Variants in PLXDC2 observed in about 807,000 individuals in gnomAD.
The protein encoded by PLXDC2 is plexin domain-containing protein 2.
A neutral mutation model predicts 68.9 loss-of-function variants in PLXDC2; 40 were observed. The observed-to-expected ratio is 0.58, with a 90% CI of 0.45 to 0.76. The LOEUF (loss-of-function observed/expected upper bound fraction) is 0.76, where lower values mean the gene tolerates loss of function less well. Among genes scored for constraint, PLXDC2 ranks in the 30% least tolerant of loss-of-function variants. The pLI, the probability that PLXDC2 is intolerant of heterozygous loss-of-function variation, is 0.00. For synonymous variants in PLXDC2, 243 were observed against 234.2 expected (o/e 1.04, Z -0.34); for missense variants, 644 against 661.9 (o/e 0.97, Z 0.30).
At chr10:20,203,928 C>A (rs1431904761) in intron 9 of PLXDC2, among the ~76,000 whole-genome samples, 3 of 152,102 alleles carry the variant, frequency 2.0e-5, no homozygotes, top group Non-Finnish European at 2.9e-5. Context: ...GCATCAAGAT[C>A]TTTTATCAGA....
chr10:20,162,387 TACC>T (rs1834311814), intron 6 of PLXDC2, among the ~76,000 whole-genome samples: 1 of 152,056 alleles, frequency 6.6e-6, no homozygotes, highest in Admixed American at 6.6e-5. Flanking sequence ...AGCAATAAAT[TACC>T]ACAGAATCAT....
At chr10:20,195,663 T>C (rs1834827471) in intron 9 of PLXDC2, among the ~76,000 whole-genome samples, 1 of 152,164 alleles carries the variant, frequency 6.6e-6, no homozygotes, top group Non-Finnish European at 1.5e-5. Context: ...TGGAGTTTAT[T>C]TGTAGTAAAC....
At chr10:19,836,898 A>T (rs907522597) in intron 1 of PLXDC2, among the ~76,000 whole-genome samples, 17 of 152,216 alleles carry the variant, frequency 1.1e-4, no homozygotes, top group African/African-American at 3.9e-4. Context: ...GGTGATTAAA[A>T]TAGTCCCTTG....
At chr10:20,191,601 CAG>C (rs1457649717) in intron 9 of PLXDC2, among the ~76,000 whole-genome samples, 1 of 150,212 alleles carries the variant, frequency 6.7e-6, no homozygotes, top group Non-Finnish European at 1.5e-5. Context: ...TTTTAAATCA[CAG>C]GGGCCCTGGT....
chr10:19,834,349 GA>G, intron 1 of PLXDC2, among the ~76,000 whole-genome samples: 1 of 149,980 alleles, frequency 6.7e-6, no homozygotes, highest in Admixed American at 6.6e-5. Context: ...GAGAGAGAGA[GA>G]GAGAGTGTGT....
intron 4 of PLXDC2, among the ~76,000 whole-genome samples, chr10:20,091,429 C>T (rs992138116): frequency 2.0e-5 from 3 of 152,184 alleles, no homozygotes; most frequent in Non-Finnish European, 4.4e-5. Flanking sequence ...TTTCGGTCTT[C>T]ACCTTCCCCT....
At chr10:20,019,724 T>A (rs76824171) in intron 2 of PLXDC2, among the ~76,000 whole-genome samples, 18 of 152,266 alleles carry the variant, frequency 1.2e-4, no homozygotes, top group Non-Finnish European at 2.4e-4. Context: ...AGAACCTGAT[T>A]ATGTTGGCAC....
intron 1 of PLXDC2, among the ~76,000 whole-genome samples, chr10:19,997,241 T>C (rs1834858950): frequency 6.6e-6 from 1 of 152,244 alleles, no homozygotes; most frequent in Non-Finnish European, 1.5e-5. Context: ...TACCTAAAGA[T>C]ATAACTATTT....
intron 4 of PLXDC2, among the ~76,000 whole-genome samples, chr10:20,137,181 A>G (rs1037044182): frequency 6.6e-6 from 1 of 152,210 alleles, no homozygotes; most frequent in Non-Finnish European, 1.5e-5. Context: ...TTAACTTGTA[A>G]ATACTTCATA....
intron 1 of PLXDC2, among the ~76,000 whole-genome samples, chr10:19,818,205 A>G (rs1454759457): frequency 2.7e-5 from 4 of 149,002 alleles, no homozygotes; most frequent in Admixed American, 6.7e-5. Flanking sequence ...AGGATAATCA[A>G]TTTGTCAATT....
At chr10:20,262,481 A>G (rs1031400184) in intron 13 of PLXDC2, among the ~76,000 whole-genome samples, 2 of 152,024 alleles carry the variant, frequency 1.3e-5, no homozygotes, top group African/African-American at 4.8e-5. Flanking sequence ...TCCTGTATAT[A>G]CCTCCCTCCA....
intron 4 of PLXDC2, among the ~76,000 whole-genome samples, chr10:20,128,197 A>G (rs10764205): frequency 0.28 from 42,228 of 152,038 alleles, 8,286 homozygotes; most frequent in African/African-American, 0.55. Flanking sequence ...TGTCCTGGGG[A>G]TGATCTCTCA....
chr10:20,072,511 G>GA (rs1464578693), intron 4 of PLXDC2, among the ~76,000 whole-genome samples: 2 of 94,418 alleles, frequency 2.1e-5, no homozygotes, highest in Non-Finnish European at 3.6e-5. Context: ...AAGAAAGAAA[G>GA]AAAGAAAGAA....
Position 20,001,798 on chromosome 10 carries a change from G to A in PLXDC2, c.136G>A (p.Ala46Thr), listed in dbSNP as rs1276897532. 8 of 1,613,942 alleles carry A rather than the reference G, an allele frequency of 5.0e-6. No individual in the cohort carries two copies. In the South Asian group the frequency reaches 7.7e-5, roughly 16 times the overall value. Residue 46 changes from alanine (A) to threonine (T), a missense_variant, in exon 2 of 14, where the codon GCC (alanine) becomes ACC (threonine). Around this residue, in one of 3 missense-constraint regions of PLXDC2, gnomAD observed 201 missense variants for 166.9 expected, o/e 1.20. Transcript: ENST00000377252. ...AGATTGGCAGTATGGAGTTACTCAG[G>A]CCTTCCCTCACACAGAGGAGGAGGT... is the stretch of plus-strand genomic sequence containing the variant. ...ILDWQYGVTQ[A>T]FPHTEEEVEV...
intron 13 of PLXDC2, among the ~76,000 whole-genome samples, chr10:20,266,335 C>A (rs1835871659): frequency 1.3e-5 from 2 of 149,618 alleles, no homozygotes; most frequent in South Asian, 2.1e-4. Context: ...AGTGACTAAC[C>A]CAAATGTAAA....
At chr10:20,213,789 G>T (rs540477137) in intron 10 of PLXDC2, among the ~76,000 whole-genome samples, 1 of 152,072 alleles carries the variant, frequency 6.6e-6, no homozygotes, top group Non-Finnish European at 1.5e-5. Context: ...CAAGAAAAAT[G>T]TGTGTTTTCC....
chr10:20,190,372 A>G (rs1254891220), intron 9 of PLXDC2, among the ~76,000 whole-genome samples: 1 of 151,930 alleles, frequency 6.6e-6, no homozygotes, highest in Non-Finnish European at 1.5e-5. Flanking sequence ...CACTTTAAGA[A>G]CAGTAGGTGC....
intron 1 of PLXDC2, among the ~76,000 whole-genome samples, chr10:19,945,378 C>A (rs138136495): frequency 7.2e-5 from 11 of 152,174 alleles, no homozygotes; most frequent in African/African-American, 2.7e-4. Context: ...TTGTAGCAGA[C>A]CAAAGTCATG....
intron 1 of PLXDC2, among the ~76,000 whole-genome samples, chr10:19,846,389 C>G (rs932185635): frequency 1.3e-5 from 2 of 151,852 alleles, no homozygotes; most frequent in African/African-American, 4.8e-5. Flanking sequence ...GATTAAATCT[C>G]GAGGAGGGAA....
Sources: gnomAD v4.1 joint callset for allele counts (sites outside exome capture counted in the v4.1 genomes callset) on GRCh38, gnomAD v4.1.1 for gene constraint, gnomAD v4.1.1 regional missense constraint, MANE v1.5 for transcripts, NCBI Gene and HGNC (gene_info 2026-07-23, HGNC 2026-07-21) for gene names.